The following ARHGAP39 variants were observed in gnomAD, a reference collection of about 807,000 sequenced individuals.
The protein encoded by ARHGAP39 is Rho GTPase activating protein 39.
Under a neutral mutation model 106.9 loss-of-function variants are expected in ARHGAP39, and 44 were observed. The ratio of observed to expected loss-of-function variants is 0.41; its 90% CI spans 0.32 to 0.53. The LOEUF (loss-of-function observed/expected upper bound fraction) is 0.53, where lower values mean the gene tolerates loss of function less well. ARHGAP39 is among the 20% of genes least tolerant of loss of function. The pLI, the probability that ARHGAP39 is intolerant of heterozygous loss-of-function variation, is 0.21. For synonymous variants in ARHGAP39, 768 were observed against 693.2 expected, an observed-to-expected ratio of 1.11 and a Z score of -1.69; for missense variants, 1,496 against 1,577.3, an observed-to-expected ratio of 0.95 and a Z score of 0.87.
At chr8:144,593,235 G>A (rs1006389114) in intron 2 of ARHGAP39, among the ~76,000 whole-genome samples, 1 of 152,130 alleles carries the variant, frequency 6.6e-6, no homozygotes, top group Non-Finnish European at 1.5e-5. Context: ...TGAGTGCCAC[G>A]TGCATGCCAG....
intron 1 of ARHGAP39, among the ~76,000 whole-genome samples, chr8:144,659,585 A>C (rs1821774439): frequency 6.6e-6 from 1 of 152,160 alleles, no homozygotes; most frequent in South Asian, 2.1e-4. Flanking sequence ...TCCAAGTTCA[A>C]GCTTAATTGG....
chr8:144,551,294 C>G (rs142155310), intron 4 of ARHGAP39, among the ~76,000 whole-genome samples: 20 of 152,272 alleles, frequency 1.3e-4, no homozygotes, highest in Admixed American at 3.9e-4. Flanking sequence ...TGGTCAGATG[C>G]CACGCTCTAT....
Position 144,671,382 on chromosome 8 carries a change from T to C in ARHGAP39, c.-82+14304A>G, listed in dbSNP as rs955476297. Among the ~76,000 whole-genome samples the C allele has an allele frequency of 2.0e-5, 3 of 152,248 alleles. No individual in the cohort carries two copies. The highest frequency in any genetic ancestry group is 4.8e-5 in the African/African-American group (2 of 41,468). On this transcript the variant is annotated intron_variant, in intron 1 of 11. Coordinates refer to ENST00000377307, the MANE Select transcript of ARHGAP39 (RefSeq NM_025251.3). The surrounding 1 kb of genome is among the most constrained non-coding windows in gnomAD (Gnocchi z 4.5). ...TAAAGCTGGAGTTAGAAAGAAGCTA[T>C]TGCCAACCCTTTCACTCTTCCTAAC... is the stretch of plus-strand genomic sequence containing the variant.
upstream of ARHGAP39, among the ~76,000 whole-genome samples, chr8:144,686,584 G>A (rs1223271309): frequency 1.3e-5 from 2 of 152,184 alleles, no homozygotes; most frequent in Non-Finnish European, 2.9e-5. Context: ...AAAGGCCCCC[G>A]TCAAAAGTCA....
intron 1 of ARHGAP39, among the ~76,000 whole-genome samples, chr8:144,656,194 G>GAA (rs58292458): frequency 8.7e-5 from 9 of 103,590 alleles, no homozygotes; most frequent in East Asian, 2.6e-4. Context: ...AGCAAATAAG[G>GAA]AAAAAAAAAA....
At chr8:144,596,804 G>C (rs1327702271) in intron 2 of ARHGAP39, among the ~76,000 whole-genome samples, 1 of 152,224 alleles carries the variant, frequency 6.6e-6, no homozygotes, top group African/African-American at 2.4e-5. Context: ...CGTGCTGCAG[G>C]AGCGGCCACC....
At chr8:144,624,068 G>C (rs1339894993) in intron 1 of ARHGAP39, among the ~76,000 whole-genome samples, 3 of 152,162 alleles carry the variant, frequency 2.0e-5, no homozygotes, top group African/African-American at 4.8e-5. Context: ...CCACCCATCA[G>C]AAAGAGCCCA....
chr8:144,648,402 C>T (rs1369168971), intron 1 of ARHGAP39, among the ~76,000 whole-genome samples: 1 of 152,226 alleles, frequency 6.6e-6, no homozygotes, highest in Non-Finnish European at 1.5e-5. Context: ...GGAGCAATCT[C>T]CCACAAGGAA....
At chr8:144,579,337 A>C (rs898881396) in intron 3 of ARHGAP39, among the ~76,000 whole-genome samples, 10 of 152,194 alleles carry the variant, frequency 6.6e-5, no homozygotes, top group Non-Finnish European at 1.2e-4. Context: ...AAAGGAAAGC[A>C]AGTAGTGTTG....
At chr8:144,675,216 A>T (rs1822202438) in intron 1 of ARHGAP39, among the ~76,000 whole-genome samples, 1 of 152,028 alleles carries the variant, frequency 6.6e-6, no homozygotes, top group Admixed American at 6.5e-5. Context: ...ATCATACAGT[A>T]TGTCTCCAGC....
chr8:144,649,267 C>G (rs1821518439), intron 1 of ARHGAP39, among the ~76,000 whole-genome samples: 1 of 151,492 alleles, frequency 6.6e-6, no homozygotes, highest in South Asian at 2.1e-4. Context: ...ACAGTGAAAC[C>G]CCATCTCTAC....
rs1051396117 is a variant in ARHGAP39 at position 144,545,586 on chromosome 8, C to T, written c.2184G>A (p.Lys728=). 6.2e-7 allele frequency: 1 copy of T among 1,613,720 alleles called. No homozygotes were observed. The highest frequency in any genetic ancestry group is 8.5e-7 in the Non-Finnish European group (1 of 1,180,034). ...GGTCGCTTGTCACGATCATGGGCTT[C>T]TTGATGGACTCGCTGCTCCAGGCCA... ...NMLAWSSESI[K]KPMIVTSDRH... Residue 728 remains lysine, a synonymous_variant, in exon 6 of 12, where the codon AAG becomes AAA. Transcript: ENST00000377307.
chr8:144,646,227 C>T lies in ARHGAP39; in HGVS notation c.-82+39459G>A, dbSNP rs562697046. ...GTGCAGACAGGGCAACAACCGCAAACGTGTTCAACAGGGAAGAGCACGTAT... is the reference window on the plus strand; with the variant it reads ...GTGCAGACAGGGCAACAACCGCAAATGTGTTCAACAGGGAAGAGCACGTAT... On this transcript the variant is annotated intron_variant, in intron 1 of 11. Transcript: ENST00000377307. The surrounding 1 kb of genome is among the most constrained non-coding windows in gnomAD (Gnocchi z 5.7). Among the ~76,000 whole-genome samples the T allele has an allele frequency of 3.9e-5, 6 of 152,240 alleles. No homozygotes were observed. Among genetic ancestry groups the T allele is most frequent in the East Asian group, 1.9e-4 (1 of 5,178 alleles).
chr8:144,556,283 TAA>T (rs773901158), intron 3 of ARHGAP39, among the ~76,000 whole-genome samples: 63 of 87,288 alleles, frequency 7.2e-4, no homozygotes, highest in Admixed American at 1.3e-3. Flanking sequence ...AGACTCCATC[TAA>T]AAAAAAAAAA....
At chr8:144,530,649 C>CGGGGGGGGGGGGGGGG in intron 11 of ARHGAP39, 33 bp from the exon 12 acceptor site, 1 of 134,164 alleles carries the variant, frequency 7.5e-6, no homozygotes, top group Non-Finnish European at 9.9e-6. Flanking sequence ...CGCGGAGGGG[C>CGGGGGGGGGGGGGGGG]GGGGGCGGGG....
intron 1 of ARHGAP39, among the ~76,000 whole-genome samples, chr8:144,620,277 G>C (rs1402936724): frequency 7.4e-6 from 1 of 134,984 alleles, no homozygotes; most frequent in African/African-American, 2.9e-5. Context: ...GTGTGTGCCC[G>C]TGTCTGTTAG....
chr8:144,667,021 C>T (rs1326683992), intron 1 of ARHGAP39, among the ~76,000 whole-genome samples: 1 of 152,238 alleles, frequency 6.6e-6, no homozygotes, highest in African/African-American at 2.4e-5. Flanking sequence ...GTTTCTGCTA[C>T]AGATTAATTT....
In ARHGAP39 at chr8:144,532,387, C is replaced by G. The variant is rs770273101; in HGVS notation, c.2898G>C (p.Gly966=). 3 of 1,601,386 alleles carry G rather than the reference C, an allele frequency of 1.9e-6. No individual in the cohort carries two copies. In the Admixed American group the frequency reaches 5.2e-5, roughly 28 times the overall value. Residue 966 remains glycine, a synonymous_variant, in exon 10 of 12, where the codon GGG becomes GGC. Coordinates refer to ENST00000377307, the MANE Select transcript of ARHGAP39 (RefSeq NM_025251.3). ...DQTEGIFRVP[G]DIDEVNALKL... ...TCAGGGCATTCACCTCGTCAATGTCCCCAGGGACCCTGCAGGGCACAGGGC... is the reference window on the plus strand; with the variant it reads ...TCAGGGCATTCACCTCGTCAATGTCGCCAGGGACCCTGCAGGGCACAGGGC...
chr8:144,571,364 G>T (rs1434816214), intron 3 of ARHGAP39, among the ~76,000 whole-genome samples: 1 of 152,096 alleles, frequency 6.6e-6, no homozygotes, highest in Admixed American at 6.6e-5. Context: ...CACATAAACA[G>T]AACAATCGAC....
Sources: allele counts gnomAD v4.1 joint callset (sites outside exome capture counted in the v4.1 genomes callset), GRCh38; gene constraint gnomAD v4.1.1; non-coding constraint Gnocchi (gnomAD v3.1); transcripts MANE v1.5; gene names NCBI Gene and HGNC (gene_info 2026-07-23, HGNC 2026-07-21).